Variants in GZMH observed in about 807,000 individuals in gnomAD.
GZMH encodes granzyme H.
GZMH carries 24 observed loss-of-function variants against 20.7 expected under a neutral mutation model. That is an observed-to-expected ratio of 1.16 (90% CI 0.84 to 1.63). The LOEUF (loss-of-function observed/expected upper bound fraction) is 1.63. Ranked by LOEUF, GZMH falls within the 40% of genes most tolerant of loss-of-function variation. The pLI is 0.00. For missense variants in GZMH, 344 were observed against 302.7 expected, an observed-to-expected ratio of 1.14 and a Z score of -1.01; for synonymous variants, 119 against 116.1, an observed-to-expected ratio of 1.02 and a Z score of -0.16.
chr14:24,607,528 T>TGGAAAGGA, intron 3 of GZMH, 84 bp downstream of exon 3: 1 of 1,608,112 alleles, frequency 6.2e-7, no homozygotes, highest in Non-Finnish European at 8.5e-7. Flanking sequence ...GAGGTCAGGA[T>TGGAAAGGA]GGAAAGGAGG....
chr14:24,608,443 TG>T, intron 1 of GZMH, 31 bp from the exon 2 acceptor site: 1 of 1,613,048 alleles, frequency 6.2e-7, no homozygotes, highest in African/African-American at 1.3e-5. Context: ...ATAAAGTAGC[TG>T]GGGATGGCTG....
intron 2 of GZMH, 58 bp downstream of exon 2, chr14:24,608,207 G>A: frequency 1.3e-6 from 2 of 1,593,300 alleles, no homozygotes. Context: ...CAGTCCCCAG[G>A]AGAAAACAAG....
chr14:24,607,832 AG>A, intron 2 of GZMH, 85 bp from the exon 3 acceptor site: 10 of 1,593,712 alleles, frequency 6.3e-6, no homozygotes, highest in Middle Eastern at 1.7e-4. Flanking sequence ...CAGCTGTGGC[AG>A]GGTAGGGCTG....
Position 24,607,147 on chromosome 14 carries a change from A to G in GZMH, c.597+2T>C, listed in dbSNP as rs1162247313. On this transcript the variant is annotated splice_donor_variant, in intron 4 of 4. Transcript: ENST00000216338. LOFTEE classifies it high-confidence loss of function. Reference sequence around the variant, plus strand: ...TTTCTGGGTAGAGGCTGGAAACCCAACCTTGAAACCGGTCTGTGTCTTCTT... The same window carrying G: ...TTTCTGGGTAGAGGCTGGAAACCCAGCCTTGAAACCGGTCTGTGTCTTCTT... 3.1e-6 allele frequency: 5 copies of G among 1,609,408 alleles called. No individual in the cohort carries two copies. Among genetic ancestry groups the G allele is most frequent in the Non-Finnish European group, 4.2e-6 (5 of 1,176,744 alleles).
intron 4 of GZMH, 85 bp downstream of exon 4, chr14:24,607,064 A>T: frequency 1.4e-6 from 2 of 1,385,962 alleles, no homozygotes; most frequent in Non-Finnish European, 2.0e-6. Flanking sequence ...CTGAGAGCAT[A>T]AAGATCTGGC....
chr14:24,607,632 T>A lies in GZMH; in HGVS notation c.319A>T (p.Asn107Tyr). 1 of 1,612,732 alleles carries A rather than the reference T, an allele frequency of 6.2e-7. No individual in the cohort carries two copies. The highest frequency in any genetic ancestry group is 8.5e-7 in the Non-Finnish European group (1 of 1,179,848). ...CTCACCTGCAGTAGCATGATGTCGT[T>A]GGAGAAGTTCTTAGGATTATAGGCT... Reference protein sequence around the residue: ...HPAYNPKNFSNDIMLLQLERK... With the variant: ...HPAYNPKNFSYDIMLLQLERK... Residue 107 changes from asparagine to tyrosine, a missense_variant, in exon 3 of 5, where the codon AAC becomes TAC. By Grantham distance (143) the Asn-to-Tyr change is moderately radical. Coordinates refer to ENST00000216338, the MANE Select transcript of GZMH (RefSeq NM_033423.5).
intron 1 of GZMH, 55 bp downstream of exon 1, chr14:24,609,504 T>C (rs2066896103): frequency 8.1e-7 from 1 of 1,228,998 alleles, no homozygotes. Flanking sequence ...TGCTCATGGG[T>C]ACAGGGTATC....
rs1401503169 is a variant in GZMH, at chr14:24,609,574, G to A, written c.40C>T (p.Pro14Ser). 1 of 1,609,036 alleles carries A rather than the reference G, an allele frequency of 6.2e-7. No homozygotes were observed. The highest frequency in any genetic ancestry group is 1.1e-5 in the South Asian group (1 of 90,058). ...AGTCACTTACCTGTCCCAGCCCCAG[G>A]GGTCAGAAGAAAGGCCAACAGGAGG... Reference protein sequence around the residue: ...FLLLLAFLLTPGAGTEEIIGG... With the variant: ...FLLLLAFLLTSGAGTEEIIGG... Residue 14 changes from proline to serine, a missense_variant, in exon 1 of 5, where the codon CCT becomes TCT. Coordinates refer to ENST00000216338, the MANE Select transcript of GZMH (RefSeq NM_033423.5).
At chr14:24,607,824 G>A in intron 2 of GZMH, 77 bp from the exon 3 acceptor site, 2 of 1,604,856 alleles carry the variant, frequency 1.2e-6, no homozygotes, top group Non-Finnish European at 1.7e-6. Flanking sequence ...GCAGATGACA[G>A]CTGTGGCAGG....
Position 24,606,665 on chromosome 14 carries a change from C to T in GZMH, c.679G>A (p.Gly227Arg), listed in dbSNP as rs2066870254. The T allele has an allele frequency of 1.2e-6, 2 of 1,613,838 alleles. No homozygotes were observed. The highest frequency in any genetic ancestry group is 1.7e-6 in the Non-Finnish European group (2 of 1,179,856). Residue 227 changes from glycine (G) to arginine (R), a missense_variant, in exon 5 of 5, where the codon GGA (glycine) becomes AGA (arginine). Transcript: ENST00000216338. ...AAGTGTGAGACCTTGATGTAGACTC[C>T]TGGAGGTGTCCCTTTTTTGTTTCCA... ...SYGNKKGTPP[G>R]VYIKVSHFLP...
rs746934543 is a variant in GZMH at position 24,608,417 on chromosome 14, A to C, written c.56-5T>G. ...CATGGCCCCCGATGATCTCCTCTGA[A>C]AGGAAAGACTGGAAGATAAAGTAGC... On this transcript the variant is annotated splice_region_variant and splice_polypyrimidine_tract_variant and intron_variant, in intron 1 of 4. Coordinates refer to ENST00000216338, the MANE Select transcript of GZMH (RefSeq NM_033423.5). 64 of 1,613,756 alleles carry C rather than the reference A, an allele frequency of 4.0e-5. No individual in the cohort carries two copies. The highest frequency in any genetic ancestry group is 5.3e-5 in the Non-Finnish European group (62 of 1,179,878).
chr14:24,607,546 C>G (rs911585423), intron 3 of GZMH, 66 bp downstream of exon 3: 1 of 1,610,582 alleles, frequency 6.2e-7, no homozygotes, highest in Non-Finnish European at 8.5e-7. Flanking sequence ...AGGAAAGGGC[C>G]GGCATCCCAG....
At position 24,606,655 on chromosome 14, in the gene GZMH, A is replaced by C. The variant is rs2138478199; in HGVS notation, c.689T>G (p.Ile230Ser). 1.2e-6 allele frequency: 2 copies of C among 1,614,062 alleles called. No individual in the cohort carries two copies. ...CCAGGGCAGGAAGTGTGAGACCTTG[A>C]TGTAGACTCCTGGAGGTGTCCCTTT... ...NKKGTPPGVY[I>S]KVSHFLPWIK... Residue 230 changes from isoleucine (I) to serine (S), a missense_variant, in exon 5 of 5, where the codon ATC becomes AGC. Coordinates refer to ENST00000216338, the MANE Select transcript of GZMH (RefSeq NM_033423.5).
intron 2 of GZMH, 143 bp from the exon 3 acceptor site, chr14:24,607,890 A>G: frequency 8.4e-7 from 1 of 1,193,212 alleles, no homozygotes; most frequent in Non-Finnish European, 1.2e-6. Flanking sequence ...GGGCTGAGTG[A>G]CTGTGCCCTC....
chr14:24,607,114 C>A, intron 4 of GZMH, 35 bp downstream of exon 4: 1 of 1,593,406 alleles, frequency 6.3e-7, no homozygotes, highest in South Asian at 1.1e-5. Context: ...TCCTCTCTCC[C>A]TGTGGTCTTT....
Position 24,606,607 on chromosome 14 carries a change from A to T in GZMH, c.737T>A (p.Leu246His). 6.2e-7 allele frequency: 1 copy of T among 1,612,842 alleles called. No homozygotes were observed. Residue 246 changes from leucine to histidine, a missense_variant, in exon 5 of 5, where the codon CTC becomes CAC. By Grantham distance (99) the Leu-to-His change is moderately conservative. Transcript: ENST00000216338. ...LPWIKRTMKR[L>H] ...AGGTTAGTCTCATGCCTGCTGTTAG[A>T]GGCGCTTCATTGTTCTCTTTATCCA...
intron 1 of GZMH, 132 bp downstream of exon 1, chr14:24,609,427 G>T: frequency 1.7e-6 from 1 of 579,798 alleles, no homozygotes. Context: ...TGTCTATCTA[G>T]CCTCAGATTT....
Position 24,606,556 on chromosome 14 carries a change from TCCCAGAGATGGTCAGG to T in GZMH, c.*31_*46del. The T allele has an allele frequency of 6.3e-7, 1 of 1,582,480 alleles. No individual in the cohort carries two copies. On this transcript the variant is annotated 3_prime_UTR_variant, in exon 5 of 5. Coordinates refer to ENST00000216338, the MANE Select transcript of GZMH (RefSeq NM_033423.5). ...CACCCCTTGGGGATTCTTGCCTCTG[TCCCAGAGATGGTCAGG>T]CCCAGAGGAAGGTTAGTCTCATGCC... is the stretch of plus-strand genomic sequence containing the variant.
At chr14:24,608,588 TAA>T (rs1460614629) in intron 1 of GZMH, among the ~76,000 whole-genome samples, 176 bp from the exon 2 acceptor site, 1 of 152,228 alleles carries the variant, frequency 6.6e-6, no homozygotes, top group African/African-American at 2.4e-5. Flanking sequence ...TTCTGAACTT[TAA>T]GTCTCAGAAC....
Sources: allele counts gnomAD v4.1 joint callset (sites outside exome capture counted in the v4.1 genomes callset), GRCh38; gene constraint gnomAD v4.1.1; transcripts MANE v1.5; gene names NCBI Gene and HGNC (gene_info 2026-07-23, HGNC 2026-07-21).